Variants in PPARGC1A observed in about 807,000 individuals in gnomAD.
PPARGC1A encodes peroxisome proliferator-activated receptor gamma coactivator 1-alpha.
Under a neutral mutation model 88.7 loss-of-function variants are expected in PPARGC1A, and 25 were observed. The ratio of observed to expected loss-of-function variants is 0.28; its 90% CI spans 0.21 to 0.39. The LOEUF (loss-of-function observed/expected upper bound fraction) is 0.39. PPARGC1A is among the 10% of genes least tolerant of loss of function. The probability of loss-of-function intolerance (pLI) is 1.00; values close to 1 mark genes in which losing one functional copy is unlikely to be tolerated. For synonymous variants in PPARGC1A, 363 were observed against 355.6 expected (o/e 1.02, Z -0.24); for missense variants, 880 against 968.7 (o/e 0.91, Z 1.22).
chr4:23,914,414 C>T, the PPARGC1A span, among the ~76,000 whole-genome samples: 2 of 152,182 alleles, frequency 1.3e-5, no homozygotes, highest in Non-Finnish European at 2.9e-5. Flanking sequence ...CATATAGTGT[C>T]TGTCCTTAAA....
chr4:24,436,507 AG>A, the PPARGC1A span, among the ~76,000 whole-genome samples: 2 of 141,008 alleles, frequency 1.4e-5, no homozygotes, highest in African/African-American at 5.4e-5. Flanking sequence ...CCCAGAGCCC[AG>A]GTCACAAAGC....
At chr4:24,135,127 T>G in the PPARGC1A span, among the ~76,000 whole-genome samples, 1 of 152,096 alleles carries the variant, frequency 6.6e-6, no homozygotes, top group Non-Finnish European at 1.5e-5. Context: ...GCTTCCTAGG[T>G]CTTTGCAATA....
the PPARGC1A span, among the ~76,000 whole-genome samples, chr4:24,162,518 T>C: frequency 6.6e-6 from 1 of 152,226 alleles, no homozygotes; most frequent in Non-Finnish European, 1.5e-5. Flanking sequence ...ATTGGCTATA[T>C]TGAAGAATCT....
the PPARGC1A span, among the ~76,000 whole-genome samples, chr4:24,008,196 C>T: frequency 1.3e-5 from 2 of 152,138 alleles, no homozygotes; most frequent in African/African-American, 4.8e-5. Flanking sequence ...TCTGAACTCT[C>T]CAGCACTGAG....
At chr4:24,387,819 A>T in the PPARGC1A span, among the ~76,000 whole-genome samples, 1 of 65,086 alleles carries the variant, frequency 1.5e-5, no homozygotes, top group Non-Finnish European at 3.7e-5. Flanking sequence ...AAAGAAAGAA[A>T]GAAAGAGAGA....
the PPARGC1A span, among the ~76,000 whole-genome samples, chr4:23,935,454 C>T: frequency 0.012 from 1,810 of 152,176 alleles, 40 homozygotes; most frequent in Middle Eastern, 0.037. Flanking sequence ...TACTTTTTTT[C>T]CTAGCTGTAT....
chr4:24,139,588 T>C, the PPARGC1A span, among the ~76,000 whole-genome samples: 1 of 152,162 alleles, frequency 6.6e-6, no homozygotes, highest in Non-Finnish European at 1.5e-5. Flanking sequence ...TCCCATGTAG[T>C]GAGAAATCCG....
the PPARGC1A span, among the ~76,000 whole-genome samples, chr4:24,113,166 C>A: frequency 7.9e-5 from 12 of 152,150 alleles, no homozygotes; most frequent in Non-Finnish European, 1.2e-4. Flanking sequence ...AGAGCACAAT[C>A]CATGTCTGAT....
At chr4:23,858,795 T>C (rs888979697) in intron 2 of PPARGC1A, among the ~76,000 whole-genome samples, 2 of 152,136 alleles carry the variant, frequency 1.3e-5, no homozygotes, top group Admixed American at 1.3e-4. Context: ...CTCAGTTCCA[T>C]ACTGCAGAAC....
chr4:24,122,449 AG>A, the PPARGC1A span, among the ~76,000 whole-genome samples: 19 of 150,648 alleles, frequency 1.3e-4, no homozygotes, highest in African/African-American at 4.6e-4. Context: ...AGAGAGAGAG[AG>A]AGAGAGAGAG....
chr4:24,406,448 G>T, the PPARGC1A span, among the ~76,000 whole-genome samples: 1 of 152,172 alleles, frequency 6.6e-6, no homozygotes, highest in Non-Finnish European at 1.5e-5. Context: ...AAATTAAACT[G>T]TGTGAGTGTG....
the PPARGC1A span, among the ~76,000 whole-genome samples, chr4:24,244,309 A>G: frequency 6.6e-6 from 1 of 152,234 alleles, no homozygotes; most frequent in Non-Finnish European, 1.5e-5. Flanking sequence ...AAAGTTGACA[A>G]TTATAATATT....
chr4:24,396,122 C>G, the PPARGC1A span, among the ~76,000 whole-genome samples: 1 of 152,014 alleles, frequency 6.6e-6, no homozygotes, highest in African/African-American at 2.4e-5. Flanking sequence ...ACACTGGGTC[C>G]TTGGTCATCA....
chr4:24,161,961 T>TACACAC, the PPARGC1A span, among the ~76,000 whole-genome samples: 154 of 133,930 alleles, frequency 1.1e-3, 1 homozygote, highest in Middle Eastern at 3.7e-3. Flanking sequence ...AATTGTGATA[T>TACACAC]ACACACACAC....
chr4:23,904,456 C>G (rs1719795124), upstream of PPARGC1A, among the ~76,000 whole-genome samples: 1 of 152,176 alleles, frequency 6.6e-6, no homozygotes, highest in African/African-American at 2.4e-5. Context: ...GGACATCCAT[C>G]CATGCCCATA....
the PPARGC1A span, among the ~76,000 whole-genome samples, chr4:24,143,846 C>T: frequency 6.6e-6 from 1 of 152,214 alleles, no homozygotes; most frequent in Non-Finnish European, 1.5e-5. Flanking sequence ...CGCCACTTGG[C>T]ATTACAGCAA....
chr4:24,297,427 C>T, the PPARGC1A span, among the ~76,000 whole-genome samples: 100 of 152,250 alleles, frequency 6.6e-4, no homozygotes, highest in African/African-American at 2.0e-3. Flanking sequence ...CCCACGAATT[C>T]GCACAGCTTT....
At chr4:24,020,519 T>TG in the PPARGC1A span, among the ~76,000 whole-genome samples, 1 of 152,234 alleles carries the variant, frequency 6.6e-6, no homozygotes, top group African/African-American at 2.4e-5. Flanking sequence ...TTCAATGTTC[T>TG]CTATCCCCAC....
chr4:24,005,531 T>C, the PPARGC1A span, among the ~76,000 whole-genome samples: 1 of 152,194 alleles, frequency 6.6e-6, no homozygotes, highest in African/African-American at 2.4e-5. Flanking sequence ...AGATCCAGCA[T>C]TTTTATACTT....
Sources: allele counts gnomAD v4.1 joint callset (sites outside exome capture counted in the v4.1 genomes callset), GRCh38; gene constraint gnomAD v4.1.1; transcripts MANE v1.5; gene names NCBI Gene and HGNC (gene_info 2026-07-23, HGNC 2026-07-21).